Variants in CR1L observed in about 807,000 individuals in gnomAD.
The protein encoded by CR1L is complement C3b/C4b receptor 1 like, also known as complement component receptor 1-like protein.
In CR1L, 59 loss-of-function variants were observed where a neutral mutation model predicts 62.3. The observed-to-expected ratio is 0.95, with a 90% CI of 0.77 to 1.18. CR1L has a LOEUF of 1.18. Ranked by LOEUF, CR1L falls within the 50% of genes most tolerant of loss-of-function variation. The pLI, the probability that CR1L is intolerant of heterozygous loss-of-function variation, is 0.00. For missense variants in CR1L, 700 were observed against 702.8 expected (o/e 1.00, Z 0.04); for synonymous variants, 279 against 248.7 (o/e 1.12, Z -1.15).
chr1:207,694,577 T>C lies in CR1L; in HGVS notation c.688T>C (p.Cys230Arg), dbSNP rs776714030. Residue 230 changes from cysteine (C) to arginine (R), a missense_variant, in exon 5 of 12, where the codon TGC becomes CGC. Coordinates refer to ENST00000508064, the MANE Select transcript of CR1L (RefSeq NM_175710.2). ...PAPQCIIPNK[C>R]TPPNVENGIL... Reference sequence around the variant, plus strand: ...CCCTCAGTGCATTATACCTAACAAATGCACGCCTCCAAATGTGGAAAATGG... The same window carrying C: ...CCCTCAGTGCATTATACCTAACAAACGCACGCCTCCAAATGTGGAAAATGG... The C allele has an allele frequency of 3.7e-6, 6 of 1,612,126 alleles. No homozygotes were observed. Among genetic ancestry groups the C allele is most frequent in the Admixed American group, 3.3e-5 (2 of 60,016 alleles).
intron 2 of CR1L, 54 bp downstream of exon 2, chr1:207,677,622 G>C: frequency 2.6e-6 from 4 of 1,565,376 alleles, no homozygotes; most frequent in Non-Finnish European, 3.5e-6. Context: ...TGTAAGATCT[G>C]ATTCAATTTG....
In CR1L at chr1:207,683,774, T is replaced by C. The variant is rs563354800; in HGVS notation, c.378-98T>C. The C allele has an allele frequency of 2.6e-4, 295 of 1,155,448 alleles. 2 individuals carry two copies. The East Asian group carries it at 6.9e-3, about 27-fold the overall frequency. The allele number at this position is 1,155,448 out of a possible 1,614,324, so 71.6% of individuals were successfully genotyped here. On this transcript the variant is annotated intron_variant, in intron 3 of 11. Transcript: ENST00000508064. ...TTCTTTGACAAGTGGAAAATGTCCC[T>C]CTGAATTCTATAAGAGTGTAATCTC...
intron 9 of CR1L, 123 bp from the exon 10 acceptor site, chr1:207,708,055 A>T: frequency 1.7e-6 from 2 of 1,160,140 alleles, no homozygotes; most frequent in Non-Finnish European, 2.5e-6. Context: ...AACAATAGGT[A>T]AAGTTTAGGC....
intron 1 of CR1L, among the ~76,000 whole-genome samples, chr1:207,646,343 C>T (rs968147642): frequency 1.3e-5 from 2 of 152,160 alleles, no homozygotes; most frequent in Non-Finnish European, 2.9e-5. Flanking sequence ...TTGTTTTCCC[C>T]TACAGCTCAT....
chr1:207,706,145 G>A (rs573392825), intron 9 of CR1L, among the ~76,000 whole-genome samples: 4 of 151,572 alleles, frequency 2.6e-5, no homozygotes, highest in Admixed American at 2.0e-4. Flanking sequence ...AAGATAGGTG[G>A]GCACAGTGGC....
chr1:207,723,421 C>CA (rs370655665), intron 11 of CR1L, among the ~76,000 whole-genome samples, 197 bp from the exon 12 acceptor site: 4,771 of 71,734 alleles, frequency 0.067, 154 homozygotes, highest in African/African-American at 0.12. Flanking sequence ...GAGACTTTGT[C>CA]AAAAAAAAAA....
In CR1L at chr1:207,677,419, T is replaced by C. The variant is rs115303620; in HGVS notation, c.128T>C (p.Phe43Ser). The change falls in exon 2 of 12, where the codon TTT (phenylalanine) becomes TCT (serine). Residue 43 changes from phenylalanine to serine, a missense_variant. Transcript: ENST00000508064. ...TGCAATGTCCCGGAATGGCTTCCAT[T>C]TGCCAGGCCTACCAACCTAACTGAT... ...DQCNVPEWLP[F>S]ARPTNLTDDF... is the part of the protein sequence containing the mutation. 1,542 of 1,613,438 alleles carry C rather than the reference T, an allele frequency of 9.6e-4. 12 individuals carry two copies. The African/African-American group carries it at 0.017, about 18-fold the overall frequency.
At chr1:207,693,398 A>G (rs1429746750) in intron 4 of CR1L, among the ~76,000 whole-genome samples, 1 of 152,232 alleles carries the variant, frequency 6.6e-6, no homozygotes, top group Non-Finnish European at 1.5e-5. Context: ...GATTACAGGC[A>G]TGAGCCACCA....
intron 1 of CR1L, among the ~76,000 whole-genome samples, chr1:207,648,235 A>AC (rs200180122): frequency 0.041 from 6,181 of 150,652 alleles, 488 homozygotes; most frequent in African/African-American, 0.15. Flanking sequence ...AAAAAAAAAA[A>AC]AAACCTGGAA....
At chr1:207,696,976 C>T (rs1246793664) in intron 5 of CR1L, among the ~76,000 whole-genome samples, 5 of 152,168 alleles carry the variant, frequency 3.3e-5, no homozygotes, top group South Asian at 4.2e-4. Flanking sequence ...TTCTTTACCA[C>T]CCTATGTCAG....
chr1:207,649,952 A>G (rs1558009110), intron 1 of CR1L, among the ~76,000 whole-genome samples: 1 of 152,186 alleles, frequency 6.6e-6, no homozygotes, highest in Non-Finnish European at 1.5e-5. Flanking sequence ...AAAGTAAAGG[A>G]TACAACTACA....
Position 207,723,668 on chromosome 1 carries a change from G to C in CR1L, c.1693G>C (p.Glu565Gln), listed in dbSNP as rs1348470500. 6.3e-7 allele frequency: 1 copy of C among 1,592,172 alleles called. No individual in the cohort carries two copies. Among genetic ancestry groups the C allele is most frequent in the Admixed American group, 1.8e-5 (1 of 56,778 alleles). The change falls in exon 12 of 12, where the codon GAA becomes CAA. Residue 565 changes from glutamate to glutamine, a missense_variant. Physicochemically the swap from Glu to Gln is conservative, Grantham distance 29. Transcript: ENST00000508064. ...TAAGTTTTATGAAGTGTTTGCTGAG[G>C]AATTCTGTCATCTTTAACAGTAAGT... is the stretch of plus-strand genomic sequence containing the variant. ...VGKFYEVFAE[E>Q]FCHL
chr1:207,683,490 C>T (rs1663840119), intron 3 of CR1L, among the ~76,000 whole-genome samples: 1 of 152,048 alleles, frequency 6.6e-6, no homozygotes, highest in African/African-American at 2.4e-5. Context: ...TATATTAATA[C>T]TTATAAGGCA....
At chr1:207,656,495 A>C (rs181970127) in intron 1 of CR1L, among the ~76,000 whole-genome samples, 2 of 152,304 alleles carry the variant, frequency 1.3e-5, no homozygotes, top group East Asian at 1.9e-4. Context: ...TCGTATTGCT[A>C]TAAAGAAATG....
intron 9 of CR1L, 48 bp downstream of exon 9, chr1:207,701,666 T>C (rs1664194355): frequency 2.5e-6 from 4 of 1,611,202 alleles, no homozygotes; most frequent in Non-Finnish European, 3.4e-6. Context: ...AGCACAGCAA[T>C]ACTACCTTCT....
At chr1:207,710,941 A>C in intron 10 of CR1L, 1 of 783,650 alleles carries the variant, frequency 1.3e-6, no homozygotes, top group Non-Finnish European at 2.0e-6. Flanking sequence ...TGGGGTGTGC[A>C]AGCACTCATG....
chr1:207,655,150 A>T (rs1365957781), intron 1 of CR1L: 1 of 480,614 alleles, frequency 2.1e-6, no homozygotes, highest in East Asian at 4.3e-5. Flanking sequence ...TGTCTTATTA[A>T]TTGCTATACA....
chr1:207,647,068 A>G (rs1218027147), intron 1 of CR1L, among the ~76,000 whole-genome samples: 1 of 152,096 alleles, frequency 6.6e-6, no homozygotes, highest in Admixed American at 6.5e-5. Flanking sequence ...TTTTTTGCTC[A>G]TTGTTAAGTG....
In CR1L at chr1:207,720,202, G is replaced by A. The variant is rs868780778; in HGVS notation, c.1642+2511G>A. Among the ~76,000 whole-genome samples, 5 of 152,310 alleles carry A rather than the reference G, an allele frequency of 3.3e-5. No individual in the cohort carries two copies. In the South Asian group the frequency reaches 1.0e-3, roughly 32 times the overall value. On this transcript the variant is annotated intron_variant, in intron 11 of 11. Transcript: ENST00000508064. ...TTTTGTCTCTCTGAACTAAGACTCAGACTAAAAGCAGTCCCCTTTGCCTTC... is the reference window on the plus strand; with the variant it reads ...TTTTGTCTCTCTGAACTAAGACTCAAACTAAAAGCAGTCCCCTTTGCCTTC...
Sources: gnomAD v4.1 joint callset for allele counts (sites outside exome capture counted in the v4.1 genomes callset) on GRCh38, gnomAD v4.1.1 for gene constraint, MANE v1.5 for transcripts, NCBI Gene and HGNC (gene_info 2026-07-23, HGNC 2026-07-21) for gene names.